Variants in DNAJA1 observed in about 807,000 individuals in gnomAD.
The protein encoded by DNAJA1 is dnaJ homolog subfamily A member 1.
In DNAJA1, 26 loss-of-function variants were observed where a neutral mutation model predicts 47.6. The ratio of observed to expected loss-of-function variants is 0.55; its 90% CI spans 0.40 to 0.76. DNAJA1 has a LOEUF of 0.76. Ranked by LOEUF, DNAJA1 falls within the 30% of genes least tolerant of loss-of-function variation. The pLI is 0.00. For synonymous variants in DNAJA1, 165 were observed against 158.4 expected (o/e 1.04, Z -0.31); for missense variants, 315 against 485.0 (o/e 0.65, Z 3.29).
chr9:33,025,548 A>G (rs536815553), intron 1 of DNAJA1, among the ~76,000 whole-genome samples, 165 bp downstream of exon 1: 1 of 152,156 alleles, frequency 6.6e-6, no homozygotes, highest in Admixed American at 6.5e-5. Context: ...TGCCCTGGCA[A>G]CCCATCCCCG....
At chr9:33,037,342 C>T (rs1246454259) in intron 8 of DNAJA1, 13 of 325,024 alleles carry the variant, frequency 4.0e-5, no homozygotes, top group Non-Finnish European at 4.6e-5. Context: ...ATTAAAATTT[C>T]TGAATGCCTC....
intron 8 of DNAJA1, chr9:33,037,328 A>C (rs1393842566): frequency 5.8e-6 from 2 of 346,498 alleles, no homozygotes; most frequent in East Asian, 9.1e-5. Context: ...AAAAAAAAAA[A>C]AAAATTAAAA....
chr9:33,038,310 A>G (rs1463304066), intron 8 of DNAJA1, among the ~76,000 whole-genome samples: 2 of 152,216 alleles, frequency 1.3e-5, no homozygotes, highest in South Asian at 4.1e-4. Flanking sequence ...GCCTAAAAAC[A>G]TCTTTGGTAA....
intron 5 of DNAJA1, among the ~76,000 whole-genome samples, chr9:33,031,588 C>T (rs1838962842): frequency 6.6e-6 from 1 of 152,032 alleles, no homozygotes; most frequent in South Asian, 2.1e-4. Flanking sequence ...TGCACCACCA[C>T]ACCTGGCTAA....
rs1839072318 is a variant in DNAJA1 at position 33,038,748 on chromosome 9, C to T, written c.1039C>T (p.Pro347Ser). The T allele has an allele frequency of 6.2e-7, 1 of 1,614,004 alleles. No individual in the cohort carries two copies. Among genetic ancestry groups the T allele is most frequent in the Admixed American group, 1.7e-5 (1 of 60,000 alleles). ...ACTGTCTTTGCTGGAAAAACTCCTACCCGAGAGGAAGGAAGTGGAAGAGAC... is the reference window on the plus strand; with the variant it reads ...ACTGTCTTTGCTGGAAAAACTCCTATCCGAGAGGAAGGAAGTGGAAGAGAC... ...DKLSLLEKLL[P>S]ERKEVEETDE... The change falls in exon 9 of 9, where the codon CCC becomes TCC. Residue 347 changes from proline (P) to serine (S), a missense_variant. By Grantham distance (74) the Pro-to-Ser change is moderately conservative (BLOSUM62 -1). Transcript: ENST00000330899.
At chr9:33,027,101 C>A in intron 3 of DNAJA1, 111 bp downstream of exon 3, 2 of 1,274,744 alleles carry the variant, frequency 1.6e-6, no homozygotes, top group Non-Finnish European at 2.2e-6. Context: ...TATAATGTTG[C>A]AAACTGACCA....
At chr9:33,027,803 T>G (rs1231896111) in intron 3 of DNAJA1, among the ~76,000 whole-genome samples, 3 of 151,564 alleles carry the variant, frequency 2.0e-5, no homozygotes, top group African/African-American at 7.3e-5. Context: ...CGAACGGAGG[T>G]CACGCCACTG....
At chr9:33,038,632 T>G (rs1475222365) in intron 8 of DNAJA1, 53 bp from the exon 9 acceptor site, 2 of 1,544,888 alleles carry the variant, frequency 1.3e-6, no homozygotes, top group Non-Finnish European at 1.8e-6. Context: ...TCCATGATAC[T>G]CTAAGGGAGC....
chr9:33,027,211 C>T (rs1838887821), intron 3 of DNAJA1, among the ~76,000 whole-genome samples: 1 of 150,048 alleles, frequency 6.7e-6, no homozygotes, highest in African/African-American at 2.5e-5. Context: ...GCTGGAGAGC[C>T]ATGGCGTGGT....
At chr9:33,037,285 C>CT (rs1839050795) in intron 8 of DNAJA1, 170 bp downstream of exon 8, 2 of 389,378 alleles carry the variant, frequency 5.1e-6, no homozygotes, top group Non-Finnish European at 9.1e-6. Flanking sequence ...ACAGCCTGGG[C>CT]AACATAGTGA....
At chr9:33,035,401 A>G (rs186587467) in intron 6 of DNAJA1, among the ~76,000 whole-genome samples, 260 of 151,032 alleles carry the variant, frequency 1.7e-3, no homozygotes, top group Admixed American at 3.4e-3. Context: ...TCTGAAGATA[A>G]TGGGAAATGT....
chr9:33,037,146 A>G, intron 8 of DNAJA1, 31 bp downstream of exon 8: 1 of 1,590,610 alleles, frequency 6.3e-7, no homozygotes, highest in African/African-American at 1.3e-5. Flanking sequence ...AGAATACTTG[A>G]GAACAATTGG....
chr9:33,036,709 T>G lies in DNAJA1; in HGVS notation c.874+20T>G, dbSNP rs759586415. 2.3e-5 allele frequency: 36 copies of G among 1,555,386 alleles called. No homozygotes were observed. In the South Asian group the frequency reaches 3.6e-4, roughly 16 times the overall value. ...ATCCAGGTATGGGAACTAGGCAAGC[T>G]TAAACTTCTCTTTTCTATTCTAGTA... On this transcript the variant is annotated intron_variant, in intron 7 of 8. Transcript: ENST00000330899.
chr9:33,029,176 T>C (rs967080572), intron 3 of DNAJA1, among the ~76,000 whole-genome samples: 1 of 152,254 alleles, frequency 6.6e-6, no homozygotes, highest in African/African-American at 2.4e-5. Context: ...TTTCTTAGTC[T>C]AAATGGCCAC....
Position 33,038,993 on chromosome 9 carries a change from CTTGT to C in DNAJA1, c.*93_*96del, listed in dbSNP as rs1259531668. 8.1e-7 allele frequency: 1 copy of C among 1,235,834 alleles called. No individual in the cohort carries two copies. Among genetic ancestry groups the C allele is most frequent in the Admixed American group, 2.2e-5 (1 of 45,150 alleles). 76.6% of individuals were successfully genotyped at this position (1,235,834 alleles called of 1,614,324 possible). Reference sequence around the variant, plus strand: ...AATCATAATATGCTCACTACTTGCTCTTGTTTTTGTTTTAATAAACTATAGTAGT... The same window carrying C: ...AATCATAATATGCTCACTACTTGCTCTTTTGTTTTAATAAACTATAGTAGT... On this transcript the variant is annotated 3_prime_UTR_variant, in exon 9 of 9. Coordinates refer to ENST00000330899, the MANE Select transcript of DNAJA1 (RefSeq NM_001539.4).
At chr9:33,037,179 G>A in intron 8 of DNAJA1, 64 bp downstream of exon 8, 1 of 1,489,228 alleles carries the variant, frequency 6.7e-7, no homozygotes, top group South Asian at 1.2e-5. Flanking sequence ...TGATAAAAAA[G>A]TAAAATTTCA....
At position 33,038,867 on chromosome 9, in the gene DNAJA1, T is replaced by A. The variant is rs1839075173; in HGVS notation, c.1158T>A (p.His386Gln). ...YNGEAYEDDEHHPRGGVQCQT... is the reference protein window; with the variant it reads ...YNGEAYEDDEQHPRGGVQCQT... ...GAGAAGCATATGAGGATGATGAACA[T>A]CATCCCAGAGGTGGTGTTCAGTGTC... Residue 386 changes from histidine (H) to glutamine (Q), a missense_variant, in exon 9 of 9, where the codon CAT (histidine) becomes CAA (glutamine). Around this residue, in one of 4 missense-constraint regions of DNAJA1, gnomAD observed 162 missense variants for 185.4 expected, o/e 0.87. Transcript: ENST00000330899. 6.2e-7 allele frequency: 1 copy of A among 1,613,654 alleles called. No individual in the cohort carries two copies. Among genetic ancestry groups the A allele is most frequent in the Non-Finnish European group, 8.5e-7 (1 of 1,179,962 alleles).
rs778818641 is a variant in DNAJA1, at chr9:33,038,861, T to C, written c.1152T>C (p.Asp384=). The change falls in exon 9 of 9, where the codon GAT becomes GAC. Residue 384 remains aspartate, a synonymous_variant. Coordinates refer to ENST00000330899, the MANE Select transcript of DNAJA1 (RefSeq NM_001539.4). The part of the protein sequence containing the change: ...RHYNGEAYED[D]EHHPRGGVQC... ...ACAATGGAGAAGCATATGAGGATGA[T>C]GAACATCATCCCAGAGGTGGTGTTC... 39 of 1,613,728 alleles carry C rather than the reference T, an allele frequency of 2.4e-5. No individual in the cohort carries two copies. The highest frequency in any genetic ancestry group is 3.1e-5 in the Non-Finnish European group (37 of 1,179,978).
rs756513491 is a variant in DNAJA1, at chr9:33,038,827, G to A, written c.1118G>A (p.Arg373Gln). 10 of 1,613,908 alleles carry A rather than the reference G, an allele frequency of 6.2e-6. No individual in the cohort carries two copies. Among genetic ancestry groups the A allele is most frequent in the African/African-American group, 2.7e-5 (2 of 74,896 alleles). The change falls in exon 9 of 9, where the codon CGG becomes CAG. Residue 373 changes from arginine to glutamine, a missense_variant. Arg to Gln is a conservative substitution (Grantham distance 43, BLOSUM62 1). Around this residue, in one of 4 missense-constraint regions of DNAJA1, gnomAD observed 162 missense variants for 185.4 expected, o/e 0.87. Coordinates refer to ENST00000330899, the MANE Select transcript of DNAJA1 (RefSeq NM_001539.4). ...GACTTTGATCCAAATCAGGAAAGACGGCGCCACTACAATGGAGAAGCATAT... is the reference window on the plus strand; with the variant it reads ...GACTTTGATCCAAATCAGGAAAGACAGCGCCACTACAATGGAGAAGCATAT... The part of the protein sequence containing the change: ...LVDFDPNQER[R>Q]RHYNGEAYED...
Sources: allele counts gnomAD v4.1 joint callset (sites outside exome capture counted in the v4.1 genomes callset), GRCh38; gene constraint gnomAD v4.1.1; regional missense constraint gnomAD v4.1.1; transcripts MANE v1.5; gene names NCBI Gene and HGNC (gene_info 2026-07-23, HGNC 2026-07-21).